The following NMNAT3 variants were observed in gnomAD, a reference collection of about 807,000 sequenced individuals.
NMNAT3 encodes nicotinamide nucleotide adenylyltransferase 3.
A neutral mutation model predicts 24.8 loss-of-function variants in NMNAT3; 21 were observed. The observed-to-expected ratio is 0.85, with a 90% CI of 0.60 to 1.22. The LOEUF is 1.22. NMNAT3 is among the 50% of genes most tolerant of loss of function. The pLI, the probability that NMNAT3 is intolerant of heterozygous loss-of-function variation, is 0.00. For synonymous variants in NMNAT3, 136 were observed against 155.2 expected, an observed-to-expected ratio of 0.88 and a Z score of 0.92; for missense variants, 387 against 436.6, an observed-to-expected ratio of 0.89 and a Z score of 1.01.
intron 1 of NMNAT3, among the ~76,000 whole-genome samples, chr3:139,648,468 T>G (rs1044266563): frequency 2.6e-5 from 4 of 152,070 alleles, no homozygotes; most frequent in African/African-American, 7.2e-5. Flanking sequence ...GCTGAAGGCA[T>G]GAGAAAAAAA....
At chr3:139,631,051 A>G (rs1159365329) in intron 2 of NMNAT3, among the ~76,000 whole-genome samples, 1 of 152,162 alleles carries the variant, frequency 6.6e-6, no homozygotes, top group Admixed American at 6.5e-5. Flanking sequence ...ATTTGTTTGA[A>G]TGGTGGCATC....
chr3:139,595,264 G>A (rs2054394005), intron 3 of NMNAT3, among the ~76,000 whole-genome samples: 1 of 152,088 alleles, frequency 6.6e-6, no homozygotes, highest in Admixed American at 6.5e-5. Flanking sequence ...GGGATGTGAA[G>A]GACCTCTTCA....
intron 1 of NMNAT3, among the ~76,000 whole-genome samples, chr3:139,639,517 G>C (rs1020175693): frequency 3.3e-5 from 5 of 152,134 alleles, no homozygotes; most frequent in Non-Finnish European, 5.9e-5. Context: ...CAAAAGACAG[G>C]CATGTTTATT....
intron 1 of NMNAT3, among the ~76,000 whole-genome samples, chr3:139,669,313 G>A (rs917683468): frequency 2.6e-5 from 4 of 151,210 alleles, no homozygotes; most frequent in African/African-American, 9.7e-5. Context: ...TCTCTACAAG[G>A]TACAAAAAAA....
intron 6 of NMNAT3, among the ~76,000 whole-genome samples, 188 bp downstream of exon 6, chr3:139,573,410 G>A (rs1938748005): frequency 6.6e-6 from 1 of 152,164 alleles, no homozygotes; most frequent in Admixed American, 6.5e-5. Context: ...ACAGGGGGTG[G>A]TGGCAGATTG....
At chr3:139,661,912 C>CA (rs1455704127) in intron 1 of NMNAT3, among the ~76,000 whole-genome samples, 2 of 152,086 alleles carry the variant, frequency 1.3e-5, no homozygotes, top group Admixed American at 6.5e-5. Flanking sequence ...TAACAGTTAA[C>CA]AAAAATTCCT....
chr3:139,677,428 G>C (rs1240917190), intron 1 of NMNAT3, among the ~76,000 whole-genome samples: 1 of 152,190 alleles, frequency 6.6e-6, no homozygotes, highest in Admixed American at 6.5e-5. Flanking sequence ...GAGTGCTAAA[G>C]GTGGGATCCG....
intron 3 of NMNAT3, among the ~76,000 whole-genome samples, chr3:139,614,948 A>T (rs557393752): frequency 6.6e-6 from 1 of 152,326 alleles, no homozygotes; most frequent in African/African-American, 2.4e-5. Context: ...TTCCTCCTGC[A>T]TTGGCATTCT....
intron 5 of NMNAT3, 30 bp from the exon 6 acceptor site, chr3:139,573,710 T>C (rs891154066): frequency 1.5e-6 from 2 of 1,354,856 alleles, no homozygotes; most frequent in Non-Finnish European, 2.0e-6. Flanking sequence ...GCTCAGGGTA[T>C]GTCTGTCCTC....
At chr3:139,615,410 A>G (rs1238694289) in intron 3 of NMNAT3, among the ~76,000 whole-genome samples, 2 of 121,746 alleles carry the variant, frequency 1.6e-5, no homozygotes, top group Non-Finnish European at 3.5e-5. Flanking sequence ...AAATATCCAC[A>G]CACATTTTCT....
chr3:139,605,672 G>A lies in NMNAT3; in HGVS notation c.109+21944C>T, dbSNP rs779016815. The stretch of plus-strand genomic sequence containing the variant: ...AATTGGTTTGGCACAAGCTGGAAAT[G>A]GTAGTGCTTGGATTTGAAAGCAGGC... On this transcript the variant is annotated intron_variant, in intron 3 of 6. Coordinates refer to ENST00000643695, the MANE Select transcript of NMNAT3 (RefSeq NM_001320510.2). Among the ~76,000 whole-genome samples the A allele has an allele frequency of 7.2e-5, 11 of 152,172 alleles. No homozygotes were observed. In the South Asian group the frequency reaches 1.7e-3, roughly 23 times the overall value.
At position 139,647,932 on chromosome 3, in the gene NMNAT3, A is replaced by G. The variant is rs188788219; in HGVS notation, c.-140-9870T>C. On this transcript the variant is annotated intron_variant, in intron 1 of 6. Transcript: ENST00000643695. ...TGGAAGGAAGAGTTTCAGTTTGTAC[A>G]AAAGCTATCCCCCAGATTCTATGGT... Among the ~76,000 whole-genome samples the G allele has an allele frequency of 1.1e-3, 167 of 152,330 alleles. 1 individual carries two copies. Among genetic ancestry groups the G allele is most frequent in the African/African-American group, 4.0e-3 (166 of 41,578 alleles).
At chr3:139,583,469 G>A in intron 3 of NMNAT3, 2 of 1,601,564 alleles carry the variant, frequency 1.2e-6, no homozygotes, top group East Asian at 2.2e-5. Context: ...TTCTTGAGAT[G>A]CTAAACATAA....
chr3:139,583,649 T>A (rs1043263709), intron 3 of NMNAT3: 4 of 948,312 alleles, frequency 4.2e-6, no homozygotes, highest in South Asian at 2.6e-5. Flanking sequence ...CATCTGAAGC[T>A]ATGGAAGTAG....
chr3:139,632,471 C>G (rs1457829851), intron 2 of NMNAT3, among the ~76,000 whole-genome samples: 5 of 152,242 alleles, frequency 3.3e-5, no homozygotes, highest in African/African-American at 1.2e-4. Flanking sequence ...TTTGCCAAGA[C>G]AGTCCAGACA....
chr3:139,609,035 T>G (rs2055072597), intron 3 of NMNAT3, among the ~76,000 whole-genome samples: 1 of 152,228 alleles, frequency 6.6e-6, no homozygotes, highest in African/African-American at 2.4e-5. Context: ...CTCAGCATTA[T>G]TCCCTGGAGA....
At chr3:139,647,933 A>G (rs1350254319) in intron 1 of NMNAT3, among the ~76,000 whole-genome samples, 1 of 152,194 alleles carries the variant, frequency 6.6e-6, no homozygotes, top group Non-Finnish European at 1.5e-5. Flanking sequence ...AGTTTGTACA[A>G]AAGCTATCCC....
intron 2 of NMNAT3, among the ~76,000 whole-genome samples, chr3:139,629,226 G>A (rs1169679531): frequency 6.6e-6 from 1 of 152,192 alleles, no homozygotes; most frequent in Non-Finnish European, 1.5e-5. Context: ...GCCCCGTGGA[G>A]ATGCCCATGG....
chr3:139,626,360 T>A (rs1298077302), intron 3 of NMNAT3, among the ~76,000 whole-genome samples: 1 of 152,078 alleles, frequency 6.6e-6, no homozygotes, highest in African/African-American at 2.4e-5. Context: ...AGTTCACTAA[T>A]CTTTTCTTCT....
Sources: allele counts gnomAD v4.1 joint callset (sites outside exome capture counted in the v4.1 genomes callset), GRCh38; gene constraint gnomAD v4.1.1; transcripts MANE v1.5; gene names NCBI Gene and HGNC (gene_info 2026-07-23, HGNC 2026-07-21).